Variants in CCDC171 observed in about 807,000 individuals in gnomAD.
The protein encoded by CCDC171 is coiled-coil domain containing 171.
CCDC171 carries 177 observed loss-of-function variants against 168.2 expected under a neutral mutation model. That is an observed-to-expected ratio of 1.05 (90% CI 0.93 to 1.19). CCDC171 has a LOEUF of 1.19. CCDC171 is among the 50% of genes most tolerant of loss of function. The pLI, the probability that CCDC171 is intolerant of heterozygous loss-of-function variation, is 0.00. For synonymous variants in CCDC171, 687 were observed against 540.8 expected (o/e 1.27, Z -3.75); for missense variants, 1,991 against 1,539.0 (o/e 1.29, Z -4.91).
At chr9:15,590,557 G>C (rs955803992) in intron 4 of CCDC171, among the ~76,000 whole-genome samples, 12 of 152,160 alleles carry the variant, frequency 7.9e-5, no homozygotes, top group African/African-American at 2.9e-4. Flanking sequence ...TCGGGTAGGA[G>C]GTGAGTTGCA....
At chr9:15,764,217 A>G (rs1226434312) in intron 18 of CCDC171, among the ~76,000 whole-genome samples, 1 of 152,220 alleles carries the variant, frequency 6.6e-6, no homozygotes, top group Non-Finnish European at 1.5e-5. Flanking sequence ...CTTGTAAACT[A>G]TGGTAAGAAC....
chr9:15,564,509 C>T (rs1195922367), intron 2 of CCDC171, among the ~76,000 whole-genome samples: 1 of 152,238 alleles, frequency 6.6e-6, no homozygotes, highest in Non-Finnish European at 1.5e-5. Context: ...AGCTCTAATT[C>T]ATGGCTACTG....
chr9:15,728,584 G>A (rs936832349), intron 15 of CCDC171, among the ~76,000 whole-genome samples: 1 of 152,114 alleles, frequency 6.6e-6, no homozygotes, highest in Non-Finnish European at 1.5e-5. Flanking sequence ...GTATTTTATA[G>A]GAGAATATAG....
chr9:15,742,099 G>C (rs1000692940), intron 16 of CCDC171, among the ~76,000 whole-genome samples: 2 of 151,916 alleles, frequency 1.3e-5, no homozygotes, highest in Admixed American at 6.6e-5. Flanking sequence ...TAATTGAACA[G>C]ATGAAATTGA....
rs781512201 is a variant in CCDC171 at position 15,623,285 on chromosome 9, C to G, written c.694C>G (p.Gln232Glu). ...FIVQEQDTAV[Q>E]NMHKKVEKLE... The stretch of plus-strand genomic sequence containing the variant: ...TTTCCAGGAGCAAGATACTGCTGTG[C>G]AAAATATGCATAAGAAAGTAGAAAA... The change falls in exon 7 of 26, where the codon CAA becomes GAA. Residue 232 changes from glutamine to glutamate, a missense_variant. Transcript: ENST00000380701. 3.2e-6 allele frequency: 5 copies of G among 1,585,020 alleles called. No homozygotes were observed. The highest frequency in any genetic ancestry group is 1.2e-5 in the South Asian group (1 of 85,234).
chr9:15,624,836 G>C (rs1440276448), intron 7 of CCDC171, among the ~76,000 whole-genome samples: 2 of 152,174 alleles, frequency 1.3e-5, no homozygotes, highest in Non-Finnish European at 2.9e-5. Context: ...CCAGTAATGG[G>C]ATCACTGGGT....
chr9:15,911,073 G>T (rs897025845), intron 24 of CCDC171, among the ~76,000 whole-genome samples: 2 of 152,152 alleles, frequency 1.3e-5, no homozygotes, highest in African/African-American at 4.8e-5. Context: ...TAATGGGATG[G>T]CTGGGTCAAA....
In CCDC171 at chr9:15,623,471, GCGCGCACACACACA is replaced by G. The variant is rs2044704202; in HGVS notation, c.822+60_822+73del. On this transcript the variant is annotated intron_variant, in intron 7 of 25. Coordinates refer to ENST00000380701, the MANE Select transcript of CCDC171 (RefSeq NM_173550.4). ...CGTACAAACTTTCACATATGCGCGC[GCGCGCACACACACA>G]CACACACACACACACACACACATAA... 21 of 505,430 alleles carry G rather than the reference GCGCGCACACACACA, an allele frequency of 4.2e-5. 1 individual carries two copies. Among genetic ancestry groups the G allele is most frequent in the South Asian group, 3.3e-4 (15 of 45,548 alleles). 31.3% of individuals were successfully genotyped at this position (505,430 alleles called of 1,614,324 possible).
At chr9:16,032,327 A>G (rs1212319529) in intron 6 of CCDC171, among the ~76,000 whole-genome samples, 1 of 152,188 alleles carries the variant, frequency 6.6e-6, no homozygotes, top group African/African-American at 2.4e-5. Flanking sequence ...CCTGAGGGGA[A>G]AAAAAGACAA....
chr9:15,857,551 T>G (rs1176184529), intron 23 of CCDC171, among the ~76,000 whole-genome samples: 3 of 151,946 alleles, frequency 2.0e-5, no homozygotes, highest in African/African-American at 7.3e-5. Flanking sequence ...ACCTCCTAAG[T>G]AGCTGGAACT....
chr9:15,705,091 GACACAC>G (rs3082789), intron 11 of CCDC171, among the ~76,000 whole-genome samples: 8 of 147,642 alleles, frequency 5.4e-5, no homozygotes, highest in South Asian at 4.4e-4. Flanking sequence ...GTATCCTTAC[GACACAC>G]ACACACACAC....
rs555141362 is a variant in CCDC171, at chr9:16,046,503, G to T, written n.89+3617G>T. Among the ~76,000 whole-genome samples the T allele has an allele frequency of 2.6e-5, 4 of 152,288 alleles. No individual in the cohort carries two copies. The East Asian group carries it at 7.7e-4, about 29-fold the overall frequency. On this transcript the variant is annotated intron_variant and non_coding_transcript_variant, in intron 1 of 1. Coordinates refer to the CCDC171 transcript ENST00000478913. Reference sequence around the variant, plus strand: ...AGTGGACATATTTTTCCCTCAACTAGACCTTGACATTTGACACAGTGATAT... The same window carrying T: ...AGTGGACATATTTTTCCCTCAACTATACCTTGACATTTGACACAGTGATAT...
At chr9:15,563,901 A>T (rs948258316) in intron 1 of CCDC171, 77 bp from the exon 2 acceptor site, 2 of 549,270 alleles carry the variant, frequency 3.6e-6, no homozygotes, top group Non-Finnish European at 6.4e-6. Flanking sequence ...ATCTTTCCAA[A>T]ATAAACCAAA....
chr9:15,865,366 T>C (rs2061732152), intron 23 of CCDC171, among the ~76,000 whole-genome samples: 3 of 139,276 alleles, frequency 2.2e-5, no homozygotes, highest in Non-Finnish European at 4.7e-5. Flanking sequence ...CACATATATA[T>C]ATGTATATTT....
At chr9:15,829,412 G>T (rs2060140520) in intron 21 of CCDC171, among the ~76,000 whole-genome samples, 1 of 152,118 alleles carries the variant, frequency 6.6e-6, no homozygotes, top group African/African-American at 2.4e-5. Flanking sequence ...TGAAAGCCTT[G>T]ATTCTGAAAA....
the CCDC171 span, among the ~76,000 whole-genome samples, chr9:16,084,000 A>C: frequency 6.6e-6 from 1 of 152,196 alleles, no homozygotes; most frequent in Non-Finnish European, 1.5e-5. Flanking sequence ...GACTAAAGAC[A>C]CTGAAACATG....
chr9:16,025,730 C>G (rs1357681119), intron 6 of CCDC171, among the ~76,000 whole-genome samples: 1 of 151,982 alleles, frequency 6.6e-6, no homozygotes, highest in Admixed American at 6.6e-5. Context: ...TCTGAAATGT[C>G]CAGAAGTGGG....
chr9:15,676,136 C>G (rs1005202897), intron 9 of CCDC171, among the ~76,000 whole-genome samples: 1 of 152,138 alleles, frequency 6.6e-6, no homozygotes, highest in African/African-American at 2.4e-5. Context: ...TCTTCAGTCA[C>G]TGATATCCTT....
At chr9:15,730,513 A>G (rs1380410056) in intron 16 of CCDC171, among the ~76,000 whole-genome samples, 1 of 151,878 alleles carries the variant, frequency 6.6e-6, no homozygotes, top group Admixed American at 6.6e-5. Context: ...TTCCTAAGTT[A>G]GGATACTTAG....
Sources: allele counts gnomAD v4.1 joint callset (sites outside exome capture counted in the v4.1 genomes callset), GRCh38; gene constraint gnomAD v4.1.1; transcripts MANE v1.5; gene names NCBI Gene and HGNC (gene_info 2026-07-23, HGNC 2026-07-21).